SEM1: variants seen among roughly 807,000 people sequenced by gnomAD.
SEM1 encodes the protein SEM1 26S proteasome subunit.
SEM1 carries 3 observed loss-of-function variants against 12.7 expected under a neutral mutation model. The observed-to-expected ratio is 0.24, with a 90% CI of 0.11 to 0.61. The LOEUF (loss-of-function observed/expected upper bound fraction) is 0.61. SEM1 is among the 20% of genes least tolerant of loss of function. The probability of loss-of-function intolerance (pLI) is 0.88; values close to 1 mark genes in which losing one functional copy is unlikely to be tolerated. For missense variants in SEM1, 59 were observed against 81.3 expected (o/e 0.73, Z 1.06); for synonymous variants, 30 against 27.8 (o/e 1.08, Z -0.25).
intron 3 of SEM1, among the ~76,000 whole-genome samples, chr7:96,503,803 A>T (rs1195708633): frequency 6.6e-6 from 1 of 152,072 alleles, no homozygotes; most frequent in Non-Finnish European, 1.5e-5. Context: ...CTCTGACATT[A>T]GTTGTTGGTA....
At chr7:96,596,414 A>G (rs1053318707) in intron 2 of SEM1, among the ~76,000 whole-genome samples, 1 of 152,162 alleles carries the variant, frequency 6.6e-6, no homozygotes, top group African/African-American at 2.4e-5. Flanking sequence ...GAAGCATTTG[A>G]ATATACATTT....
downstream of SEM1, among the ~76,000 whole-genome samples, chr7:96,671,206 C>A (rs373055383): frequency 5.5e-4 from 83 of 152,264 alleles, no homozygotes; most frequent in African/African-American, 1.8e-3. Context: ...AAATTAGAAT[C>A]AGAAATCAGC....
chr7:96,700,179 T>C (rs1011247995), intron 1 of SEM1, among the ~76,000 whole-genome samples: 1 of 146,800 alleles, frequency 6.8e-6, no homozygotes, highest in Non-Finnish European at 1.5e-5. Flanking sequence ...AACAAATACA[T>C]GTCAAATGAA....
At chr7:96,664,531 G>C (rs1177762884) in intron 2 of SEM1, among the ~76,000 whole-genome samples, 2 of 152,162 alleles carry the variant, frequency 1.3e-5, no homozygotes, top group African/African-American at 4.8e-5. Flanking sequence ...TTAAGTACTT[G>C]GGTGATTAGT....
intron 2 of SEM1, among the ~76,000 whole-genome samples, chr7:96,580,758 T>C (rs527975634): frequency 8.5e-5 from 13 of 152,286 alleles, no homozygotes; most frequent in Non-Finnish European, 1.8e-4. Flanking sequence ...TTTGGCTGCA[T>C]AAATGTCTTC....
intron 2 of SEM1, among the ~76,000 whole-genome samples, chr7:96,643,007 C>T (rs1808662326): frequency 6.6e-6 from 1 of 151,916 alleles, no homozygotes; most frequent in South Asian, 2.1e-4. Context: ...CATAGGTAAA[C>T]TTGTGTCATA....
At chr7:96,486,208 G>T in exon 2 of SEM1, 1 of 1,533,672 alleles carries the variant, frequency 6.5e-7, no homozygotes, top group Non-Finnish European at 8.7e-7. Context: ...CTTACCTGCA[G>T]ACCCAGGCTA....
At chr7:96,654,809 G>A (rs1411287083) in intron 2 of SEM1, among the ~76,000 whole-genome samples, 7 of 152,100 alleles carry the variant, frequency 4.6e-5, no homozygotes, top group African/African-American at 7.2e-5. Flanking sequence ...AAGATTTCCC[G>A]CCAACTCAAG....
chr7:96,520,867 C>T (rs1054776558), intron 2 of SEM1, among the ~76,000 whole-genome samples: 7 of 152,036 alleles, frequency 4.6e-5, no homozygotes, highest in Middle Eastern at 3.2e-3. Flanking sequence ...GAGAGTCTGG[C>T]CCACTGATCC....
intron 2 of SEM1, among the ~76,000 whole-genome samples, chr7:96,607,339 TA>T (rs1039325456): frequency 6.6e-6 from 1 of 152,248 alleles, no homozygotes; most frequent in Admixed American, 6.5e-5. Context: ...TATTTTCTCT[TA>T]AACCCACAGG....
chr7:96,503,483 C>T (rs1433256740), intron 3 of SEM1: 2 of 152,104 alleles, frequency 1.3e-5, no homozygotes, highest in South Asian at 2.1e-4. Context: ...GAAAACTCAC[C>T]ACTTTTGTTT....
At chr7:96,698,717 A>G (rs1790175260) in intron 1 of SEM1, among the ~76,000 whole-genome samples, 1 of 152,268 alleles carries the variant, frequency 6.6e-6, no homozygotes, top group East Asian at 1.9e-4. Context: ...ATAGTGCTTC[A>G]ATAAACATTC....
At chr7:96,497,033 T>A (rs1018712268), upstream of SEM1, among the ~76,000 whole-genome samples, 3 of 149,966 alleles carry the variant, frequency 2.0e-5, no homozygotes, top group Non-Finnish European at 4.5e-5. Context: ...ACACACACAC[T>A]CTGTCATACA....
At chr7:96,612,787 C>T (rs184882591) in intron 2 of SEM1, among the ~76,000 whole-genome samples, 3 of 152,044 alleles carry the variant, frequency 2.0e-5, no homozygotes, top group Admixed American at 2.0e-4. Flanking sequence ...AGGCGCCTGC[C>T]ACCACACCCG....
Position 96,578,595 on chromosome 7 carries a change from G to A in SEM1, c.171-71897C>T, listed in dbSNP as rs552761530. Reference sequence around the variant, plus strand: ...AAGAATGTCAAAGCAAAGAAAAAATGATCCCTAAAAGAACTAAGATGTAAG... The same window carrying A: ...AAGAATGTCAAAGCAAAGAAAAAATAATCCCTAAAAGAACTAAGATGTAAG... On this transcript the variant is annotated intron_variant and NMD_transcript_variant, in intron 2 of 3. Coordinates refer to the SEM1 transcript ENST00000466986. 3.9e-5 allele frequency among the ~76,000 whole-genome samples: 6 copies of A among 152,250 alleles called. No homozygotes were observed. The South Asian group carries it at 1.2e-3, about 32-fold the overall frequency.
chr7:96,488,953 C>T (rs1005637743), intron 1 of SEM1, among the ~76,000 whole-genome samples: 2 of 152,088 alleles, frequency 1.3e-5, no homozygotes, highest in African/African-American at 4.8e-5. Context: ...TGCCCTCCTT[C>T]TCTGCCTGCT....
intron 2 of SEM1, among the ~76,000 whole-genome samples, chr7:96,524,149 G>T (rs1201984758): frequency 2.0e-5 from 3 of 152,018 alleles, no homozygotes; most frequent in Non-Finnish European, 4.4e-5. Flanking sequence ...GGGTTTTCTG[G>T]CTACACTTCC....
chr7:96,520,945 G>A (rs1022650945), intron 2 of SEM1, among the ~76,000 whole-genome samples: 2 of 152,100 alleles, frequency 1.3e-5, no homozygotes, highest in East Asian at 2.0e-4. Context: ...TGAGAGCCCC[G>A]TAATTCTCAA....
chr7:96,574,061 A>G (rs374931379), intron 2 of SEM1, among the ~76,000 whole-genome samples: 2 of 151,998 alleles, frequency 1.3e-5, no homozygotes, highest in African/African-American at 4.8e-5. Context: ...CATTAGGTAT[A>G]TCTCCTAATG....
Sources: allele counts gnomAD v4.1 joint callset (sites outside exome capture counted in the v4.1 genomes callset), GRCh38; gene constraint gnomAD v4.1.1; transcripts MANE v1.5; gene names NCBI Gene and HGNC (gene_info 2026-07-23, HGNC 2026-07-21).